Variants in ULK4 observed in about 807,000 individuals in gnomAD.
The protein encoded by ULK4 is inactive serine/threonine-protein kinase ULK4.
In ULK4, 133 loss-of-function variants were observed where a neutral mutation model predicts 160.6. That is an observed-to-expected ratio of 0.83 (90% CI 0.72 to 0.96). The LOEUF (loss-of-function observed/expected upper bound fraction) is 0.96, where lower values mean the gene tolerates loss of function less well. Among genes scored for constraint, ULK4 ranks in the 40% least tolerant of loss-of-function variants. The pLI is 0.00. For missense variants in ULK4, 1,580 were observed against 1,499.5 expected (o/e 1.05, Z -0.89); for synonymous variants, 534 against 539.8 (o/e 0.99, Z 0.15).
chr3:41,314,960 G>A (rs1316447378), intron 35 of ULK4, among the ~76,000 whole-genome samples: 2 of 152,006 alleles, frequency 1.3e-5, no homozygotes, highest in East Asian at 3.9e-4. Context: ...TATGCAGGGT[G>A]TATTTATCAG....
chr3:41,598,929 T>C (rs1246953932), intron 31 of ULK4, among the ~76,000 whole-genome samples: 2 of 152,258 alleles, frequency 1.3e-5, no homozygotes, highest in Non-Finnish European at 2.9e-5. Flanking sequence ...AGGTGTCCAC[T>C]GGGCTGCACT....
intron 17 of ULK4, among the ~76,000 whole-genome samples, chr3:41,837,639 C>G (rs972373738): frequency 2.6e-5 from 4 of 151,792 alleles, no homozygotes; most frequent in Admixed American, 2.6e-4. Context: ...TCTCAGCTCA[C>G]TGCAACCTCT....
At chr3:41,850,033 T>C (rs1444611181) in intron 17 of ULK4, among the ~76,000 whole-genome samples, 1 of 152,256 alleles carries the variant, frequency 6.6e-6, no homozygotes, top group East Asian at 1.9e-4. Flanking sequence ...CATTGTTCAA[T>C]TCCCACCTAT....
At chr3:41,748,755 CCTCT>C (rs1425108552) in intron 22 of ULK4, among the ~76,000 whole-genome samples, 2 of 152,274 alleles carry the variant, frequency 1.3e-5, no homozygotes, top group East Asian at 1.9e-4. Flanking sequence ...AGGCACATAT[CCTCT>C]CTGTTTTCAC....
chr3:41,295,399 G>T (rs1338890131), intron 35 of ULK4, among the ~76,000 whole-genome samples: 1 of 133,440 alleles, frequency 7.5e-6, no homozygotes, highest in Non-Finnish European at 1.7e-5. Context: ...AACAAATCTA[G>T]ATGACCTCGG....
chr3:41,399,265 A>G (rs1296349863), intron 34 of ULK4, among the ~76,000 whole-genome samples: 9 of 152,150 alleles, frequency 5.9e-5, no homozygotes, highest in Admixed American at 5.9e-4. Context: ...GATGTGGAGT[A>G]CCTTTTCATG....
At chr3:41,681,829 C>CA (rs1437522842) in intron 27 of ULK4, 25 bp from the exon 28 acceptor site, 1 of 1,612,896 alleles carries the variant, frequency 6.2e-7, no homozygotes, top group African/African-American at 1.3e-5. Flanking sequence ...GTAAAAGACT[C>CA]AGAATCTCTA....
intron 21 of ULK4, among the ~76,000 whole-genome samples, chr3:41,759,695 A>C (rs2038923569): frequency 6.6e-6 from 1 of 152,176 alleles, no homozygotes. Flanking sequence ...GGGGATATGC[A>C]AGAATTGCAC....
chr3:41,946,608 G>C (rs1559668952), intron 2 of ULK4, among the ~76,000 whole-genome samples: 1 of 152,170 alleles, frequency 6.6e-6, no homozygotes, highest in South Asian at 2.1e-4. Context: ...AATAGTACTT[G>C]TTCTACTTGG....
intron 35 of ULK4, among the ~76,000 whole-genome samples, chr3:41,390,191 T>A (rs1185658252): frequency 6.6e-6 from 1 of 152,224 alleles, no homozygotes; most frequent in Non-Finnish European, 1.5e-5. Flanking sequence ...GATTGTAGTT[T>A]GTATTTCTGT....
chr3:41,628,811 G>T (rs1399352573), intron 30 of ULK4, among the ~76,000 whole-genome samples: 1 of 152,186 alleles, frequency 6.6e-6, no homozygotes, highest in Non-Finnish European at 1.5e-5. Flanking sequence ...AAAGCTGGCT[G>T]AAGGACACAT....
At chr3:41,907,023 A>C (rs1221121690) in intron 12 of ULK4, among the ~76,000 whole-genome samples, 1 of 152,192 alleles carries the variant, frequency 6.6e-6, no homozygotes, top group Non-Finnish European at 1.5e-5. Flanking sequence ...CATAACATAT[A>C]CTAAGTGGAA....
intron 12 of ULK4, 52 bp from the exon 13 acceptor site, chr3:41,900,881 TA>T (rs766718767): frequency 6.0e-6 from 8 of 1,336,924 alleles, no homozygotes; most frequent in Non-Finnish European, 7.5e-6. Context: ...TGTAGATCTT[TA>T]AAACACTGAA....
chr3:41,464,822 G>A (rs953449559), intron 32 of ULK4, among the ~76,000 whole-genome samples: 1 of 152,188 alleles, frequency 6.6e-6, no homozygotes, highest in Non-Finnish European at 1.5e-5. Context: ...GGAGGCAGAG[G>A]TGGGTCCCAG....
intron 34 of ULK4, among the ~76,000 whole-genome samples, chr3:41,420,468 G>GTTTTTTTTTTTT (rs1559588075): frequency 1.1e-5 from 1 of 90,046 alleles, no homozygotes; most frequent in African/African-American, 4.6e-5. Context: ...CAGTTTTCCA[G>GTTTTTTTTTTTT]TTCTTTCTTT....
intron 2 of ULK4, among the ~76,000 whole-genome samples, chr3:41,939,167 T>A (rs1344733032): frequency 4.5e-5 from 1 of 22,170 alleles, no homozygotes; most frequent in African/African-American, 5.6e-5. Flanking sequence ...ATTACCCTTT[T>A]TTTTTTTTTT....
intron 27 of ULK4, among the ~76,000 whole-genome samples, chr3:41,703,335 C>T (rs1363551656): frequency 6.6e-6 from 1 of 151,806 alleles, no homozygotes; most frequent in East Asian, 1.9e-4. Context: ...ATCATCCAGA[C>T]TACATTCTCT....
chr3:41,499,582 C>G (rs2085115766), intron 32 of ULK4, among the ~76,000 whole-genome samples: 1 of 152,132 alleles, frequency 6.6e-6, no homozygotes, highest in African/African-American at 2.4e-5. Flanking sequence ...ATTAAACCTT[C>G]ACTTCTACAT....
chr3:41,882,143 G>C, intron 17 of ULK4: 2 of 699,558 alleles, frequency 2.9e-6, no homozygotes, highest in Non-Finnish European at 5.2e-6. Flanking sequence ...GCCACACGGA[G>C]TCCCAAGAAT....
Sources: allele counts gnomAD v4.1 joint callset (sites outside exome capture counted in the v4.1 genomes callset), GRCh38; gene constraint gnomAD v4.1.1; transcripts MANE v1.5; gene names NCBI Gene and HGNC (gene_info 2026-07-23, HGNC 2026-07-21).